Variants in PTCHD4 observed in about 807,000 individuals in gnomAD.
The protein encoded by PTCHD4 is patched domain containing 4.
PTCHD4 carries 33 observed loss-of-function variants against 58.1 expected under a neutral mutation model. The observed-to-expected ratio is 0.57, with a 90% CI of 0.43 to 0.76. PTCHD4 has a LOEUF of 0.76. Among genes scored for constraint, PTCHD4 ranks in the 30% least tolerant of loss-of-function variants. PTCHD4 has a pLI of 0.00. For synonymous variants in PTCHD4, 478 were observed against 409.6 expected (o/e 1.17, Z -2.02); for missense variants, 1,058 against 1,027.1 (o/e 1.03, Z -0.41).
intron 1 of PTCHD4, among the ~76,000 whole-genome samples, chr6:48,097,107 T>C (rs1045976635): frequency 1.3e-5 from 2 of 152,102 alleles, no homozygotes; most frequent in Admixed American, 6.5e-5. Flanking sequence ...GATCAAAAAC[T>C]CTTTTCTTAG....
intron 4 of PTCHD4, among the ~76,000 whole-genome samples, chr6:47,894,186 G>A (rs1764462021): frequency 6.6e-6 from 1 of 152,184 alleles, no homozygotes; most frequent in African/African-American, 2.4e-5. Flanking sequence ...TACAGTACAG[G>A]CTTCCTTTCA....
At chr6:48,020,122 C>T (rs1192475241) in intron 3 of PTCHD4, among the ~76,000 whole-genome samples, 4 of 152,138 alleles carry the variant, frequency 2.6e-5, no homozygotes, top group Non-Finnish European at 5.9e-5. Flanking sequence ...TTCCAAAGCT[C>T]TCTTTCGCTG....
At chr6:47,972,975 C>T (rs553354697) in intron 4 of PTCHD4, among the ~76,000 whole-genome samples, 12 of 152,044 alleles carry the variant, frequency 7.9e-5, no homozygotes, top group Middle Eastern at 3.4e-3. Context: ...ATATTATAAT[C>T]TCTCATTATG....
At chr6:47,931,523 T>C (rs547288064) in intron 4 of PTCHD4, among the ~76,000 whole-genome samples, 202 of 152,274 alleles carry the variant, frequency 1.3e-3, no homozygotes, top group Middle Eastern at 3.4e-3. Context: ...AGTGGTAATT[T>C]CAGATGGAGA....
At position 47,869,239 on chromosome 6, in the gene PTCHD4, C is replaced by T. The variant is rs1454151999; in HGVS notation, c.*9064G>A. Among the ~76,000 whole-genome samples, 3 of 151,558 alleles carry T rather than the reference C, an allele frequency of 2.0e-5. No homozygotes were observed. Among genetic ancestry groups the T allele is most frequent in the Admixed American group, 2.0e-4 (3 of 15,186 alleles). ...TGACTTAGAAGTGGTGCTGATAGCC[C>T]CTGAACAATTATGCCCCAGCTTGAA... On this transcript the variant is annotated 3_prime_UTR_variant, in exon 5 of 5. Coordinates refer to ENST00000339488, the MANE Select transcript of PTCHD4 (RefSeq NM_001384253.1).
At chr6:47,903,760 C>A (rs1457746131) in intron 4 of PTCHD4, among the ~76,000 whole-genome samples, 1 of 152,102 alleles carries the variant, frequency 6.6e-6, no homozygotes, top group Non-Finnish European at 1.5e-5. Context: ...AAAAGACAAA[C>A]AATAAATAAC....
chr6:47,911,696 G>A (rs1581865806), intron 4 of PTCHD4, among the ~76,000 whole-genome samples: 1 of 152,110 alleles, frequency 6.6e-6, no homozygotes, highest in African/African-American at 2.4e-5. Context: ...TTTTGCACAT[G>A]TTAAATTTGA....
intron 4 of PTCHD4, among the ~76,000 whole-genome samples, chr6:47,963,240 A>T (rs1767164857): frequency 6.6e-6 from 1 of 152,112 alleles, no homozygotes. Context: ...ATATATAAAG[A>T]TGCTCAATAA....
chr6:47,978,546 A>T (rs1040077267), intron 4 of PTCHD4, among the ~76,000 whole-genome samples: 8 of 152,330 alleles, frequency 5.3e-5, no homozygotes, highest in African/African-American at 1.9e-4. Flanking sequence ...TAGAATAGAC[A>T]TAAGAACTAA....
intron 1 of PTCHD4, among the ~76,000 whole-genome samples, chr6:48,091,869 C>A (rs1208396644): frequency 1.3e-5 from 2 of 151,848 alleles, no homozygotes; most frequent in South Asian, 4.2e-4. Context: ...AGGCTGGTCT[C>A]GAACTCCTGA....
chr6:48,108,600 A>C (rs1048343839), intron 1 of PTCHD4, among the ~76,000 whole-genome samples: 4 of 151,768 alleles, frequency 2.6e-5, no homozygotes, highest in Admixed American at 2.6e-4. Context: ...TTTAAAGTAT[A>C]ATAATAATAA....
chr6:48,105,035 C>A (rs1206909497), intron 1 of PTCHD4, among the ~76,000 whole-genome samples: 1 of 152,146 alleles, frequency 6.6e-6, no homozygotes, highest in East Asian at 1.9e-4. Flanking sequence ...CAATATTAGA[C>A]AGATCAATGA....
chr6:47,967,627 G>A (rs1561982825), intron 4 of PTCHD4, among the ~76,000 whole-genome samples: 1 of 152,140 alleles, frequency 6.6e-6, no homozygotes, highest in Non-Finnish European at 1.5e-5. Context: ...TAGCCACCTT[G>A]GTACATCATA....
At chr6:47,914,950 T>C (rs560564982) in intron 4 of PTCHD4, among the ~76,000 whole-genome samples, 1 of 152,222 alleles carries the variant, frequency 6.6e-6, no homozygotes, top group South Asian at 2.1e-4. Context: ...TGTTCTTTCT[T>C]CTCTCCTCTT....
chr6:47,906,812 C>T (rs1764902053), intron 4 of PTCHD4, among the ~76,000 whole-genome samples: 1 of 152,174 alleles, frequency 6.6e-6, no homozygotes, highest in Non-Finnish European at 1.5e-5. Flanking sequence ...GGCTCACTCT[C>T]ACCATTTCAC....
rs763230943 is a variant in PTCHD4, at chr6:47,858,842, A to C, written c.*19461T>G. Among the ~76,000 whole-genome samples, 2 of 152,062 alleles carry C rather than the reference A, an allele frequency of 1.3e-5. No homozygotes were observed. Among genetic ancestry groups the C allele is most frequent in the African/African-American group, 4.8e-5 (2 of 41,442 alleles). ...AGCAAATGTCACATTTGTACAGAAT[A>C]TGCTTCCTATAATCCTTCTTGAATC... On this transcript the variant is annotated 3_prime_UTR_variant, in exon 5 of 5. Transcript: ENST00000339488.
At chr6:48,017,854 G>A (rs1425617236) in intron 3 of PTCHD4, among the ~76,000 whole-genome samples, 2 of 152,132 alleles carry the variant, frequency 1.3e-5, no homozygotes, top group African/African-American at 4.8e-5. Flanking sequence ...GTACTATAAC[G>A]TAATGGTTAT....
At chr6:48,064,688 A>G (rs542354875) in intron 3 of PTCHD4, among the ~76,000 whole-genome samples, 3 of 152,194 alleles carry the variant, frequency 2.0e-5, no homozygotes, top group African/African-American at 7.2e-5. Flanking sequence ...ATATAGCAGT[A>G]TAAGTGTGCA....
chr6:47,950,607 T>G (rs1561973716), intron 4 of PTCHD4, among the ~76,000 whole-genome samples: 1 of 152,032 alleles, frequency 6.6e-6, no homozygotes, highest in Non-Finnish European at 1.5e-5. Context: ...AGATTTTGAT[T>G]TTGGGGAAGT....
Sources: gnomAD v4.1 joint callset for allele counts (sites outside exome capture counted in the v4.1 genomes callset) on GRCh38, gnomAD v4.1.1 for gene constraint, MANE v1.5 for transcripts, NCBI Gene and HGNC (gene_info 2026-07-23, HGNC 2026-07-21) for gene names.